The following SLC30A10 variants were observed in gnomAD, a reference collection of about 807,000 sequenced individuals.
The protein encoded by SLC30A10 is calcium/manganese antiporter SLC30A10.
In SLC30A10, 8 loss-of-function variants were observed where a neutral mutation model predicts 21.7. The ratio of observed to expected loss-of-function variants is 0.37; its 90% CI spans 0.22 to 0.67. The LOEUF (loss-of-function observed/expected upper bound fraction) is 0.67, where lower values mean the gene tolerates loss of function less well. Among genes scored for constraint, SLC30A10 ranks in the 30% least tolerant of loss-of-function variants. The pLI is 0.58. For synonymous variants in SLC30A10, 272 were observed against 279.4 expected (o/e 0.97, Z 0.26); for missense variants, 521 against 642.5 (o/e 0.81, Z 2.04).
Position 219,925,647 on chromosome 1 carries a change from A to AT in SLC30A10, c.718+1380dup, listed in dbSNP as rs764035049. The stretch of plus-strand genomic sequence containing the variant: ...TGTGTGTGTACATATATATATATAT[A>AT]TATATTTTTTTTTTTTTTTTTTTTT... On this transcript the variant is annotated intron_variant, in intron 2 of 3. Transcript: ENST00000366926. Among the ~76,000 whole-genome samples, 319 of 67,998 alleles carry AT rather than the reference A, an allele frequency of 4.7e-3. 8 individuals are homozygous for AT. The highest frequency in any genetic ancestry group is 0.024 in the East Asian group (37 of 1,536). The allele number at this position is 67,998 out of a possible 152,430, so 44.6% of individuals were successfully genotyped here. A position where few individuals can be genotyped will look rare whatever the true frequency, so the allele number is the denominator to read the frequency against.
chr1:219,953,995 C>T (rs900839111), intron 1 of SLC30A10, among the ~76,000 whole-genome samples: 5 of 151,980 alleles, frequency 3.3e-5, no homozygotes, highest in Admixed American at 6.6e-5. Flanking sequence ...CGTGAGCCAC[C>T]GCGCCCGGCC....
chr1:219,942,039 G>A (rs1327035227), intron 1 of SLC30A10, among the ~76,000 whole-genome samples: 1 of 152,188 alleles, frequency 6.6e-6, no homozygotes, highest in Non-Finnish European at 1.5e-5. Context: ...CTCTGCTGTG[G>A]CCATAAAAAG....
At chr1:219,921,872 A>AGTGTGTGT (rs72517767) in intron 2 of SLC30A10, among the ~76,000 whole-genome samples, 1,982 of 139,476 alleles carry the variant, frequency 0.014, 57 homozygotes, top group African/African-American at 0.051. Flanking sequence ...GGTGTCTCTG[A>AGTGTGTGT]GTGTGTGTGT....
In SLC30A10 at chr1:219,912,476, A is replaced by G. The variant is rs1439566097; in HGVS notation, c.*2973T>C. Reference sequence around the variant, plus strand: ...GTGCAGTAGGGCCGTGTAGAAGGCCAGGTGAGCACACAGGACAACTGGTCC... The same window carrying G: ...GTGCAGTAGGGCCGTGTAGAAGGCCGGGTGAGCACACAGGACAACTGGTCC... On this transcript the variant is annotated 3_prime_UTR_variant, in exon 4 of 4. Coordinates refer to ENST00000366926, the MANE Select transcript of SLC30A10 (RefSeq NM_018713.3). Among the ~76,000 whole-genome samples, 2 of 152,190 alleles carry G rather than the reference A, an allele frequency of 1.3e-5. No individual in the cohort carries two copies. Among genetic ancestry groups the G allele is most frequent in the Non-Finnish European group, 2.9e-5 (2 of 68,048 alleles).
At chr1:219,939,349 G>C (rs1284907881) in intron 1 of SLC30A10, among the ~76,000 whole-genome samples, 1 of 152,180 alleles carries the variant, frequency 6.6e-6, no homozygotes, top group Non-Finnish European at 1.5e-5. Context: ...AAATGCAATT[G>C]GGGAATACAA....
chr1:219,927,418 C>T (rs1454049297), intron 1 of SLC30A10, among the ~76,000 whole-genome samples: 9 of 151,844 alleles, frequency 5.9e-5, no homozygotes. Flanking sequence ...CAACAAAATT[C>T]AGACAGCAAG....
rs1456391582 is a variant in SLC30A10, at chr1:219,911,149, G to T, written c.*4300C>A. Among the ~76,000 whole-genome samples, 65 of 49,388 alleles carry T rather than the reference G, an allele frequency of 1.3e-3. No individual in the cohort carries two copies. The highest frequency in any genetic ancestry group is 9.3e-3 in the East Asian group (11 of 1,180). 32.4% of individuals were successfully genotyped at this position (49,388 alleles called of 152,430 possible). The stretch of plus-strand genomic sequence containing the variant: ...ATGTTTCTTCATTTTTTCTACATCA[G>T]TTTTTTTTTTTTTTTTTTTTTTTTT... On this transcript the variant is annotated 3_prime_UTR_variant, in exon 4 of 4. Transcript: ENST00000366926.
intron 1 of SLC30A10, among the ~76,000 whole-genome samples, chr1:219,935,250 G>A (rs1660030699): frequency 1.3e-5 from 2 of 152,276 alleles, no homozygotes; most frequent in African/African-American, 2.4e-5. Context: ...GTTACAACAA[G>A]GTTTCCTATG....
chr1:219,939,133 A>G (rs1475128653), intron 1 of SLC30A10, among the ~76,000 whole-genome samples: 2 of 152,226 alleles, frequency 1.3e-5, no homozygotes, highest in Non-Finnish European at 2.9e-5. Context: ...ACAAAAAAGA[A>G]AAATGCCCAC....
chr1:219,921,959 CAG>C (rs1385142751), intron 2 of SLC30A10, among the ~76,000 whole-genome samples: 4 of 128,850 alleles, frequency 3.1e-5, no homozygotes, highest in Admixed American at 1.6e-4. Context: ...GAGAGAGAGA[CAG>C]AGAGAGAGAA....
chr1:219,944,951 C>T (rs986688759), intron 1 of SLC30A10, among the ~76,000 whole-genome samples: 1 of 152,082 alleles, frequency 6.6e-6, no homozygotes, highest in Non-Finnish European at 1.5e-5. Context: ...GTGGCTAAAA[C>T]ACATATCTAA....
intron 2 of SLC30A10, among the ~76,000 whole-genome samples, chr1:219,925,651 A>ATATATTTTT (rs1317554458): frequency 2.1e-5 from 1 of 48,284 alleles, no homozygotes; most frequent in African/African-American, 1.2e-4. Flanking sequence ...ATATATATAT[A>ATATATTTTT]TTTTTTTTTT....
At chr1:219,939,925 G>A (rs1295839971) in intron 1 of SLC30A10, among the ~76,000 whole-genome samples, 1 of 152,194 alleles carries the variant, frequency 6.6e-6, no homozygotes, top group Non-Finnish European at 1.5e-5. Context: ...GCATGTGGAA[G>A]TGATGAGAAT....
chr1:219,910,817 G>A lies in SLC30A10; in HGVS notation c.*4632C>T, dbSNP rs12094370. Among the ~76,000 whole-genome samples, 42,981 of 152,004 alleles carry A rather than the reference G, an allele frequency of 0.28. 6,589 individuals carry two copies. The highest frequency in any genetic ancestry group is 0.39 in the East Asian group (2,022 of 5,164). ...GATCATCTAGCAAACATTCAAGAAA[G>A]TTCCATGTAAACAAAAAGGTACGAA... On this transcript the variant is annotated 3_prime_UTR_variant, in exon 4 of 4. Transcript: ENST00000366926.
Position 219,918,679 on chromosome 1 carries a change from C to G in SLC30A10, c.719-185G>C, listed in dbSNP as rs1022204440. 3.2e-6 allele frequency: 2 copies of G among 627,462 alleles called. No individual in the cohort carries two copies. Among genetic ancestry groups the G allele is most frequent in the African/African-American group, 3.7e-5 (2 of 53,590 alleles). 38.9% of individuals were successfully genotyped at this position (627,462 alleles called of 1,614,324 possible). A position where few individuals can be genotyped will look rare whatever the true frequency, so the allele number is the denominator to read the frequency against. ...ACTTCTTAGGAAACAAAACCCCAGG[C>G]CACCATCGCAGGACTCAGAGTACCT... On this transcript the variant is annotated intron_variant, in intron 2 of 3. Coordinates refer to ENST00000366926, the MANE Select transcript of SLC30A10 (RefSeq NM_018713.3). This position sits in a 1 kb window ranked among gnomAD's most constrained non-coding sequence, Gnocchi z 4.4.
chr1:219,948,990 C>T (rs1372183008), intron 1 of SLC30A10, among the ~76,000 whole-genome samples: 4 of 151,664 alleles, frequency 2.6e-5, no homozygotes, highest in Admixed American at 1.3e-4. Flanking sequence ...TTTATGCAGC[C>T]AAAAAACACA....
Position 219,912,561 on chromosome 1 carries a change from G to C in SLC30A10, c.*2888C>G, listed in dbSNP as rs1419634439. ...AAAATTATGTCAGTTCTGGCCGGGC[G>C]CAGTGGCTTACGCCTGTAATCCCAG... On this transcript the variant is annotated 3_prime_UTR_variant, in exon 4 of 4. Coordinates refer to ENST00000366926, the MANE Select transcript of SLC30A10 (RefSeq NM_018713.3). Among the ~76,000 whole-genome samples, 1 of 152,146 alleles carries C rather than the reference G, an allele frequency of 6.6e-6. No individual in the cohort carries two copies. The highest frequency in any genetic ancestry group is 1.9e-4 in the East Asian group (1 of 5,182).
intron 1 of SLC30A10, among the ~76,000 whole-genome samples, chr1:219,954,842 A>G (rs1386976534): frequency 6.6e-6 from 1 of 152,072 alleles, no homozygotes; most frequent in Non-Finnish European, 1.5e-5. Flanking sequence ...AAGACGCAAA[A>G]TAGAGCAGAA....
intron 1 of SLC30A10, among the ~76,000 whole-genome samples, chr1:219,945,956 A>G (rs1660181937): frequency 1.3e-5 from 2 of 152,222 alleles, no homozygotes; most frequent in South Asian, 4.1e-4. Flanking sequence ...GCATGAAACT[A>G]TACTCAAACT....
Sources: gnomAD v4.1 joint callset for allele counts (sites outside exome capture counted in the v4.1 genomes callset) on GRCh38, gnomAD v4.1.1 for gene constraint, Gnocchi (gnomAD v3.1) non-coding constraint, MANE v1.5 for transcripts, NCBI Gene and HGNC (gene_info 2026-07-23, HGNC 2026-07-21) for gene names.